Variants in THOC6 observed in about 807,000 individuals in gnomAD.
THOC6 encodes THO complex subunit 6, also known as THO complex 6.
Under a neutral mutation model 55.8 loss-of-function variants are expected in THOC6, and 39 were observed. The observed-to-expected ratio is 0.70, with a 90% confidence interval of 0.54 to 0.91. The LOEUF is 0.91. Among genes scored for constraint, THOC6 ranks in the 40% least tolerant of loss-of-function variants. The pLI, the probability that THOC6 is intolerant of heterozygous loss-of-function variation, is 0.00. For synonymous variants in THOC6, 192 were observed against 175.6 expected (o/e 1.09, Z -0.74); for missense variants, 482 against 442.0 (o/e 1.09, Z -0.81).
chr16:3,026,823 A>C, intron 8 of THOC6, 42 bp downstream of exon 8: 1 of 1,614,118 alleles, frequency 6.2e-7, no homozygotes, highest in South Asian at 1.1e-5. Flanking sequence ...GCAGTGAAGG[A>C]GGCTGAGGCA....
Position 3,024,162 on chromosome 16 carries a change from G to T in THOC6, c.-165G>T, listed in dbSNP as rs2072715570. On this transcript the variant is annotated 5_prime_UTR_variant, in exon 1 of 13. Transcript: ENST00000326266. ...GGTGGACACCACTTCTTAATGTCGGGGGTCTTCGCGGCGCTCACCTCGGCT... is the reference window on the plus strand; with the variant it reads ...GGTGGACACCACTTCTTAATGTCGGTGGTCTTCGCGGCGCTCACCTCGGCT... 8.7e-6 allele frequency: 7 copies of T among 806,382 alleles called. No individual in the cohort carries two copies. In the East Asian group the frequency reaches 1.9e-4, roughly 22 times the overall value. 50.0% of individuals were successfully genotyped at this position (806,382 alleles called of 1,614,324 possible).
rs758915722 is a variant in THOC6 at position 3,027,666 on chromosome 16, G to A, written c.*9G>A. 8.1e-6 allele frequency: 13 copies of A among 1,613,150 alleles called. No homozygotes were observed. The highest frequency in any genetic ancestry group is 1.1e-5 in the Non-Finnish European group (13 of 1,179,686). The stretch of plus-strand genomic sequence containing the variant: ...TCTCCCTGTCCTTCTGATCTCTGAC[G>A]ACACCCCCAGCCAGCTCAGGGTTTT... On this transcript the variant is annotated 3_prime_UTR_variant, in exon 13 of 13. Coordinates refer to ENST00000326266, the MANE Select transcript of THOC6 (RefSeq NM_024339.5).
At chr16:3,027,318 C>A in intron 11 of THOC6, 38 bp downstream of exon 11, 1 of 1,614,172 alleles carries the variant, frequency 6.2e-7, no homozygotes, top group East Asian at 2.2e-5. Context: ...CCCCCACTGA[C>A]TCTTCCCTTC....
intron 3 of THOC6, 33 bp from the exon 4 acceptor site, chr16:3,026,030 G>A: frequency 6.2e-7 from 1 of 1,614,140 alleles, no homozygotes; most frequent in Non-Finnish European, 8.5e-7. Flanking sequence ...CTTTGGGTGG[G>A]ATTGGCTCAC....
Position 3,027,691 on chromosome 16 carries a change from T to TAAAA in THOC6, c.*35_*36insAAAA. ...GACACCCCCAGCCAGCTCAGGGTTT[T>TAAAA]AGAGTGTTTTTCATTTTCTTTTTTT... On this transcript the variant is annotated 3_prime_UTR_variant, in exon 13 of 13. Transcript: ENST00000326266. The TAAAA allele has an allele frequency of 1.3e-6, 2 of 1,570,252 alleles. No homozygotes were observed. The highest frequency in any genetic ancestry group is 1.7e-6 in the Non-Finnish European group (2 of 1,166,130).
rs1229812918 is a variant in THOC6, at chr16:3,025,672, C to T, written c.40-36C>T. On this transcript the variant is annotated intron_variant, in intron 1 of 12. Coordinates refer to ENST00000326266, the MANE Select transcript of THOC6 (RefSeq NM_024339.5). Reference sequence around the variant, plus strand: ...GAATCTGTGGATGGGAGGTTTCATACGTCCCAGGCAGGCCTCATCCAGTCT... The same window carrying T: ...GAATCTGTGGATGGGAGGTTTCATATGTCCCAGGCAGGCCTCATCCAGTCT... 1.3e-5 allele frequency: 21 copies of T among 1,586,424 alleles called. No homozygotes were observed. The East Asian group carries it at 1.3e-4, about 10-fold the overall frequency.
Position 3,026,741 on chromosome 16 carries a change from G to A in THOC6, c.546G>A (p.Glu182=). 1 of 1,613,952 alleles carries A rather than the reference G, an allele frequency of 6.2e-7. No homozygotes were observed. The highest frequency in any genetic ancestry group is 8.5e-7 in the Non-Finnish European group (1 of 1,179,944). ...TGGCACTGCGGGAAAGGAGCCCAGA[G>A]GTGCTGTCAGGTGGCGAGGATGGAG... ...HCLALRERSP[E]VLSGGEDGAV... Residue 182 remains glutamate, a synonymous_variant, in exon 8 of 13, where the codon GAG becomes GAA. Transcript: ENST00000326266.
chr16:3,027,521 G>A (rs767571802), intron 12 of THOC6, 21 bp downstream of exon 12: 6 of 1,611,370 alleles, frequency 3.7e-6, no homozygotes, highest in South Asian at 1.1e-5. Flanking sequence ...CAGGGGCCGC[G>A]GAGCGGCTGG....
Position 3,024,530 on chromosome 16 carries a change from G to A in THOC6, c.39+165G>A, listed in dbSNP as rs147669702. The stretch of plus-strand genomic sequence containing the variant: ...ATAGTAACCCAGAAGTGCTTCAGGG[G>A]CTTAACGCAAGTCAGAGAGTAGGAA... On this transcript the variant is annotated intron_variant, in intron 1 of 12. Coordinates refer to ENST00000326266, the MANE Select transcript of THOC6 (RefSeq NM_024339.5). Among the ~76,000 whole-genome samples the A allele has an allele frequency of 2.0e-4, 31 of 152,032 alleles. 1 individual carries two copies. The highest frequency in any genetic ancestry group is 1.2e-3 in the Admixed American group (18 of 15,266).
Position 3,024,281 on chromosome 16 carries a change from G to T in THOC6, c.-46G>T, listed in dbSNP as rs775801191. 3.1e-6 allele frequency: 5 copies of T among 1,613,660 alleles called. No individual in the cohort carries two copies. Among genetic ancestry groups the T allele is most frequent in the Middle Eastern group, 1.6e-4 (1 of 6,074 alleles). On this transcript the variant is annotated 5_prime_UTR_variant, in exon 1 of 13. Coordinates refer to ENST00000326266, the MANE Select transcript of THOC6 (RefSeq NM_024339.5). ...CCGCTCTAGGCACGTAAGGCCTCGT[G>T]AGGTTGCGTCGCGCGCGGAGCACTC...
At position 3,026,518 on chromosome 16, in the gene THOC6, G is replaced by C; in HGVS notation, c.414G>C (p.Glu138Asp). ...TGCCTCATCCTGCTCCTCCACAGGAGAATTCCCTCATCCTGGCTGGGGGAG... is the reference window on the plus strand; with the variant it reads ...TGCCTCATCCTGCTCCTCCACAGGACAATTCCCTCATCCTGGCTGGGGGAG... The part of the protein sequence containing the change: ...EINALLLVPK[E>D]NSLILAGGDC... The change falls in exon 7 of 13, where the codon GAG becomes GAC. Residue 138 changes from glutamate to aspartate, a missense_variant and splice_region_variant. Glu to Asp is a conservative substitution (Grantham distance 45, BLOSUM62 2). Coordinates refer to ENST00000326266, the MANE Select transcript of THOC6 (RefSeq NM_024339.5). 1 of 1,614,136 alleles carries C rather than the reference G, an allele frequency of 6.2e-7. No homozygotes were observed. The highest frequency in any genetic ancestry group is 2.2e-5 in the East Asian group (1 of 44,884).
intron 10 of THOC6, 41 bp downstream of exon 10, chr16:3,027,114 C>T: frequency 1.2e-6 from 2 of 1,614,138 alleles, no homozygotes; most frequent in South Asian, 1.1e-5. Flanking sequence ...CAGCTCCGGG[C>T]CCTGTCAGCT....
intron 7 of THOC6, 43 bp from the exon 8 acceptor site, chr16:3,026,636 A>T: frequency 2.5e-6 from 4 of 1,610,614 alleles, no homozygotes; most frequent in Non-Finnish European, 3.4e-6. Context: ...AGGGAGAGGC[A>T]CTCTTCCTAG....
rs2072814897 is a variant in THOC6 at position 3,027,054 on chromosome 16, C to T, written c.680C>T (p.Ala227Val). 7.4e-6 allele frequency: 12 copies of T among 1,614,186 alleles called. No homozygotes were observed. The highest frequency in any genetic ancestry group is 1.0e-5 in the Non-Finnish European group (12 of 1,180,040). The change falls in exon 10 of 13, where the codon GCA becomes GTA. Residue 227 changes from alanine to valine, a missense_variant. Coordinates refer to ENST00000326266, the MANE Select transcript of THOC6 (RefSeq NM_024339.5). ...PHNGRWIGCL[A>V]TDSDWMVCGG... is the part of the protein sequence containing the mutation. ...AATGGGCGCTGGATTGGATGTTTGG[C>T]AACTGATTCCGACTGGATGGTGAGC...
Position 3,026,270 on chromosome 16 carries a change from G to C in THOC6, c.344G>C (p.Arg115Pro). The C allele has an allele frequency of 1.2e-6, 2 of 1,614,138 alleles. No homozygotes were observed. Among genetic ancestry groups the C allele is most frequent in the African/African-American group, 2.7e-5 (2 of 75,018 alleles). Residue 115 changes from arginine (R) to proline (P), a missense_variant, in exon 5 of 13, where the codon CGT becomes CCT. Coordinates refer to ENST00000326266, the MANE Select transcript of THOC6 (RefSeq NM_024339.5). ...MLKKGCKELWRRQPPYRTSLE... is the reference protein window; with the variant it reads ...MLKKGCKELWPRQPPYRTSLE... Reference sequence around the variant, plus strand: ...TTGAAGGGCTGTAAGGAGCTGTGGCGTCGTCAGCCTCCATACAGGTGAGCA... The same window carrying C: ...TTGAAGGGCTGTAAGGAGCTGTGGCCTCGTCAGCCTCCATACAGGTGAGCA...
At position 3,026,693 on chromosome 16, in the gene THOC6, CCACA is replaced by C; in HGVS notation, c.501_504del (p.His167GlnfsTer103). 1 of 1,613,010 alleles carries C rather than the reference CCACA, an allele frequency of 6.2e-7. No individual in the cohort carries two copies. Among genetic ancestry groups the C allele is most frequent in the Non-Finnish European group, 8.5e-7 (1 of 1,179,424 alleles). Reference sequence around the variant, plus strand: ...TCTACATGCAGAGGGTCCTCCGGGGCCACACAGACTACATCCACTGCCTGGCACT... The same window carrying C: ...TCTACATGCAGAGGGTCCTCCGGGGCCAGACTACATCCACTGCCTGGCACT... On this transcript the variant is annotated frameshift_variant, in exon 8 of 13. Transcript: ENST00000326266. LOFTEE classifies it high-confidence loss of function.
At position 3,027,153 on chromosome 16, in the gene THOC6, C is replaced by T. The variant is rs373588128; in HGVS notation, c.700-17C>T. ...GGCCTGTGGTTCACAGCTGGGGACT[C>T]CCACCTTTCTGTCCAGGTCTGTGGA... On this transcript the variant is annotated splice_polypyrimidine_tract_variant and intron_variant, in intron 10 of 12. Coordinates refer to ENST00000326266, the MANE Select transcript of THOC6 (RefSeq NM_024339.5). 6.2e-7 allele frequency: 1 copy of T among 1,614,166 alleles called. No individual in the cohort carries two copies. The highest frequency in any genetic ancestry group is 2.2e-5 in the East Asian group (1 of 44,882).
chr16:3,026,010 G>C (rs1413029862), intron 3 of THOC6, 22 bp downstream of exon 3: 1 of 1,614,226 alleles, frequency 6.2e-7, no homozygotes, highest in South Asian at 1.1e-5. Flanking sequence ...TGTGGAGTCT[G>C]GCTTCAGGAC....
chr16:3,025,826 A>T lies in THOC6; in HGVS notation c.155+3A>T. The T allele has an allele frequency of 6.2e-7, 1 of 1,614,100 alleles. No individual in the cohort carries two copies. The highest frequency in any genetic ancestry group is 8.5e-7 in the Non-Finnish European group (1 of 1,180,010). On this transcript the variant is annotated splice_donor_region_variant and intron_variant, in intron 2 of 12. Transcript: ENST00000326266. The stretch of plus-strand genomic sequence containing the variant: ...TACGGGCAGATTGCCATCTTCAGGT[A>T]CCCTCTGCCGCTGTCCACCCATTAG...
Sources: gnomAD v4.1 joint callset for allele counts (sites outside exome capture counted in the v4.1 genomes callset) on GRCh38, gnomAD v4.1.1 for gene constraint, MANE v1.5 for transcripts, NCBI Gene and HGNC (gene_info 2026-07-23, HGNC 2026-07-21) for gene names.